RBMS3: variants seen among roughly 807,000 people sequenced by gnomAD.
RBMS3 encodes the protein RNA binding motif single stranded interacting protein 3.
RBMS3 carries 27 observed loss-of-function variants against 66.8 expected under a neutral mutation model. That is an observed-to-expected ratio of 0.40 (90% CI 0.30 to 0.56). RBMS3 has a LOEUF of 0.56. Ranked by LOEUF, RBMS3 falls within the 20% of genes least tolerant of loss-of-function variation. The pLI is 0.40. For missense variants in RBMS3, 513 were observed against 549.5 expected (o/e 0.93, Z 0.66); for synonymous variants, 188 against 183.0 (o/e 1.03, Z -0.22).
chr3:29,596,401 T>C (rs770942253), intron 4 of RBMS3, among the ~76,000 whole-genome samples: 23 of 152,208 alleles, frequency 1.5e-4, no homozygotes, highest in African/African-American at 5.5e-4. Context: ...CTATATCTAT[T>C]CTGCAAAAAG....
intron 4 of RBMS3, among the ~76,000 whole-genome samples, chr3:29,620,478 A>G (rs760395154): frequency 6.6e-6 from 1 of 152,152 alleles, no homozygotes; most frequent in Non-Finnish European, 1.5e-5. Flanking sequence ...AGAGAATCTT[A>G]GGGGCTACAA....
At chr3:29,501,431 G>A (rs2043968474) in intron 3 of RBMS3, among the ~76,000 whole-genome samples, 1 of 152,120 alleles carries the variant, frequency 6.6e-6, no homozygotes, top group African/African-American at 2.4e-5. Context: ...AGATAAGATG[G>A]TTCCAGTTTA....
intron 1 of RBMS3, among the ~76,000 whole-genome samples, chr3:29,351,342 C>G (rs977396862): frequency 7.2e-5 from 11 of 152,150 alleles, no homozygotes; most frequent in Non-Finnish European, 1.6e-4. Context: ...AATTGCTAAA[C>G]TGCCCATAAG....
intron 3 of RBMS3, among the ~76,000 whole-genome samples, chr3:29,508,269 G>A (rs1280460498): frequency 6.6e-6 from 1 of 152,102 alleles, no homozygotes; most frequent in Non-Finnish European, 1.5e-5. Flanking sequence ...TGTTACATAG[G>A]TATACATGTG....
chr3:29,425,221 A>AC (rs1350706336), intron 1 of RBMS3, among the ~76,000 whole-genome samples: 11 of 150,034 alleles, frequency 7.3e-5, no homozygotes, highest in African/African-American at 2.7e-4. Context: ...AAAAACAAAA[A>AC]AAAAAAAACA....
chr3:29,946,346 GTGTAGAATCCAACTAAAT>G (rs1474206045), intron 12 of RBMS3, among the ~76,000 whole-genome samples: 3 of 151,616 alleles, frequency 2.0e-5, no homozygotes, highest in African/African-American at 7.3e-5. Context: ...CTCTTTGCCA[GTGTAGAATCCAACTAAAT>G]TGTTTTAATT....
intron 5 of RBMS3, among the ~76,000 whole-genome samples, chr3:29,761,418 C>T (rs1019893707): frequency 2.6e-5 from 4 of 151,988 alleles, no homozygotes; most frequent in Admixed American, 6.6e-5. Context: ...AAGAATTTCC[C>T]GGGCAAACCT....
At chr3:29,984,933 G>A (rs566456618) in intron 12 of RBMS3, among the ~76,000 whole-genome samples, 3 of 152,176 alleles carry the variant, frequency 2.0e-5, no homozygotes, top group Non-Finnish European at 4.4e-5. Context: ...GCGCTGTGCT[G>A]GAAGATCTGC....
intron 6 of RBMS3, among the ~76,000 whole-genome samples, chr3:29,838,173 CAAAAA>C (rs71091080): frequency 3.6e-5 from 3 of 83,056 alleles, no homozygotes; most frequent in Non-Finnish European, 6.7e-5. Flanking sequence ...CTCATCTCTA[CAAAAA>C]AAAAAAAAAA....
intron 4 of RBMS3, among the ~76,000 whole-genome samples, chr3:29,682,160 GT>G (rs1485759924): frequency 1.3e-5 from 2 of 152,128 alleles, no homozygotes; most frequent in Non-Finnish European, 2.9e-5. Flanking sequence ...TTGTTTGTTT[GT>G]TTTGAGTCGG....
intron 6 of RBMS3, among the ~76,000 whole-genome samples, chr3:29,828,397 C>T (rs1023812141): frequency 2.0e-5 from 3 of 152,092 alleles, no homozygotes. Context: ...ATGTGTACTG[C>T]TCAGTTGATA....
At chr3:29,528,454 A>C (rs1237642134) in intron 3 of RBMS3, among the ~76,000 whole-genome samples, 1 of 152,150 alleles carries the variant, frequency 6.6e-6, no homozygotes, top group Non-Finnish European at 1.5e-5. Context: ...TAAGTGCTAT[A>C]TGTAGTACTA....
intron 12 of RBMS3, among the ~76,000 whole-genome samples, chr3:29,974,468 G>GA (rs1053139609): frequency 2.6e-5 from 4 of 151,616 alleles, no homozygotes; most frequent in Admixed American, 2.6e-4. Context: ...CACATGTACA[G>GA]AAAAAATACA....
chr3:29,827,122 T>C (rs4533605), intron 6 of RBMS3, among the ~76,000 whole-genome samples: 62,294 of 151,974 alleles, frequency 0.41, 13,285 homozygotes, highest in Non-Finnish European at 0.47. Context: ...TGATCTGAGA[T>C]GATACCTCTG....
chr3:29,928,345 G>C lies in RBMS3; in HGVS notation c.940-7741G>C, dbSNP rs1263219970. ...TTTTTATTATGAAATATATTTGGTG[G>C]GTAGAGATCAATGGTTTTCTTTCTA... On this transcript the variant is annotated intron_variant, in intron 10 of 14. Transcript: ENST00000383767. Among the ~76,000 whole-genome samples the C allele has an allele frequency of 3.2e-5, 3 of 94,178 alleles. No homozygotes were observed. The Admixed American group carries it at 3.5e-4, about 11-fold the overall frequency. The allele number at this position is 94,178 out of a possible 152,430, so 61.8% of individuals were successfully genotyped here. A position where few individuals can be genotyped will look rare whatever the true frequency, so the allele number is the denominator to read the frequency against.
chr3:29,390,424 C>T (rs983868357), intron 1 of RBMS3, among the ~76,000 whole-genome samples: 2 of 152,064 alleles, frequency 1.3e-5, no homozygotes, highest in Admixed American at 1.3e-4. Context: ...CCCTGACTAT[C>T]AATGCATTTC....
intron 6 of RBMS3, among the ~76,000 whole-genome samples, chr3:29,838,840 T>C (rs891184502): frequency 1.3e-5 from 2 of 152,168 alleles, no homozygotes; most frequent in Non-Finnish European, 2.9e-5. Context: ...AGTATGACAA[T>C]CTGGAAAACA....
intron 3 of RBMS3, among the ~76,000 whole-genome samples, chr3:29,545,153 T>G (rs1206882876): frequency 6.6e-6 from 1 of 152,176 alleles, no homozygotes; most frequent in Non-Finnish European, 1.5e-5. Flanking sequence ...TACAGTAAGA[T>G]ACTACATATT....
At position 29,593,007 on chromosome 3, in the gene RBMS3, A is replaced by T. The variant is rs892783212; in HGVS notation, c.399+5802A>T. ...GGAACATCACACACTGGGGCCTGTC[A>T]TGGGATTGGGGGAGGGGGGAGGGGG... On this transcript the variant is annotated intron_variant, in intron 4 of 14. Coordinates refer to ENST00000383767, the MANE Select transcript of RBMS3 (RefSeq NM_001003793.3). Among the ~76,000 whole-genome samples, 3 of 91,408 alleles carry T rather than the reference A, an allele frequency of 3.3e-5. No homozygotes were observed. In the East Asian group the frequency reaches 1.2e-3, roughly 36 times the overall value. 60.0% of individuals were successfully genotyped at this position (91,408 alleles called of 152,430 possible).
Sources: allele counts gnomAD v4.1 joint callset (sites outside exome capture counted in the v4.1 genomes callset), GRCh38; gene constraint gnomAD v4.1.1; transcripts MANE v1.5; gene names NCBI Gene and HGNC (gene_info 2026-07-23, HGNC 2026-07-21).